Variants in HCN1 observed in about 807,000 individuals in gnomAD.
The protein encoded by HCN1 is hyperpolarization activated cyclic nucleotide gated potassium channel 1.
Under a neutral mutation model 78.9 loss-of-function variants are expected in HCN1, and 13 were observed. The observed-to-expected ratio is 0.16, with a 90% CI of 0.11 to 0.26. HCN1 has a LOEUF of 0.26. HCN1 is among the 10% of genes least tolerant of loss of function. The pLI is 1.00. For synonymous variants in HCN1, 552 were observed against 455.5 expected, an observed-to-expected ratio of 1.21 and a Z score of -2.70; for missense variants, 810 against 1,154.3, an observed-to-expected ratio of 0.70 and a Z score of 4.32.
intron 2 of HCN1, among the ~76,000 whole-genome samples, chr5:45,482,049 AT>A (rs1283313717): frequency 6.6e-6 from 1 of 152,190 alleles, no homozygotes; most frequent in African/African-American, 2.4e-5. Flanking sequence ...GCTTGTTTTC[AT>A]TTTCCTTTCA....
At chr5:45,418,202 G>C (rs1740156673) in intron 3 of HCN1, among the ~76,000 whole-genome samples, 1 of 151,676 alleles carries the variant, frequency 6.6e-6, no homozygotes, top group Non-Finnish European at 1.5e-5. Context: ...TATTTAGAAT[G>C]ATAAAAGAAA....
rs1326096576 is a variant in HCN1, at chr5:45,425,212, A to G, written c.1012-28502T>C. Among the ~76,000 whole-genome samples, 7 of 152,212 alleles carry G rather than the reference A, an allele frequency of 4.6e-5. No homozygotes were observed. The East Asian group carries it at 1.3e-3, about 29-fold the overall frequency. On this transcript the variant is annotated intron_variant, in intron 3 of 7. Transcript: ENST00000303230. ...ACTGCAGTGGTATATGCCCACACTT[A>G]ACAGCTTCTGCCTTCTTACCCTGTG... is the stretch of plus-strand genomic sequence containing the variant.
chr5:45,332,539 A>G (rs1746365830), intron 5 of HCN1, among the ~76,000 whole-genome samples: 1 of 151,174 alleles, frequency 6.6e-6, no homozygotes, highest in African/African-American at 2.4e-5. Context: ...CATGAGTTCA[A>G]TTGTTTTGAT....
intron 2 of HCN1, among the ~76,000 whole-genome samples, chr5:45,583,958 C>T (rs1274187155): frequency 3.3e-5 from 5 of 152,086 alleles, no homozygotes; most frequent in Non-Finnish European, 5.9e-5. Flanking sequence ...ACTATGTGGT[C>T]AATTTTGGAA....
intron 2 of HCN1, among the ~76,000 whole-genome samples, chr5:45,499,960 C>T (rs1742154647): frequency 6.6e-6 from 1 of 152,100 alleles, no homozygotes; most frequent in South Asian, 2.1e-4. Context: ...CACACAAACA[C>T]AGTCTGCATT....
intron 5 of HCN1, among the ~76,000 whole-genome samples, chr5:45,332,353 T>C (rs1746362111): frequency 6.6e-6 from 1 of 151,568 alleles, no homozygotes; most frequent in Admixed American, 6.6e-5. Context: ...TATACTCTTT[T>C]AGTTATTTTT....
chr5:45,297,423 C>G (rs1028839095), intron 6 of HCN1, among the ~76,000 whole-genome samples: 2 of 152,076 alleles, frequency 1.3e-5, no homozygotes, highest in African/African-American at 4.8e-5. Context: ...ATTTTGGGGC[C>G]AGTTTATGGC....
intron 4 of HCN1, among the ~76,000 whole-genome samples, chr5:45,358,035 C>T (rs1747036667): frequency 3.9e-5 from 6 of 152,036 alleles, no homozygotes; most frequent in Admixed American, 3.9e-4. Context: ...GTGGAAGCAG[C>T]CTGAGGCCCT....
chr5:45,671,951 G>A (rs973733282), intron 1 of HCN1, among the ~76,000 whole-genome samples: 29 of 151,414 alleles, frequency 1.9e-4, no homozygotes, highest in African/African-American at 5.1e-4. Flanking sequence ...AGATATTTAC[G>A]CCAAGAAAAG....
At position 45,447,881 on chromosome 5, in the gene HCN1, G is replaced by GAT. The variant is rs144291227; in HGVS notation, c.1011+13963_1011+13964dup. Among the ~76,000 whole-genome samples the GAT allele has an allele frequency of 9.7e-4, 144 of 148,526 alleles. 1 individual carries two copies. The highest frequency in any genetic ancestry group is 7.1e-3 in the Middle Eastern group (2 of 282). ...ATAATATCATATGTATATATTTTAT[G>GAT]ATATATATATATATATGAGACAGAG... is the stretch of plus-strand genomic sequence containing the variant. On this transcript the variant is annotated intron_variant, in intron 3 of 7. Coordinates refer to ENST00000303230, the MANE Select transcript of HCN1 (RefSeq NM_021072.4).
intron 1 of HCN1, among the ~76,000 whole-genome samples, chr5:45,652,900 AT>A (rs1400473984): frequency 6.6e-6 from 1 of 151,720 alleles, no homozygotes; most frequent in Non-Finnish European, 1.5e-5. Flanking sequence ...TCAGCTTTTC[AT>A]TTTGTTCCAT....
At chr5:45,497,346 T>C (rs1333327732) in intron 2 of HCN1, among the ~76,000 whole-genome samples, 1 of 152,216 alleles carries the variant, frequency 6.6e-6, no homozygotes, top group Non-Finnish European at 1.5e-5. Context: ...TAAGATTCTT[T>C]GCAGGTCACT....
rs369186983 is a variant in HCN1, at chr5:45,694,719, A to C, written c.425+950T>G. 1.9e-4 allele frequency among the ~76,000 whole-genome samples: 29 copies of C among 152,352 alleles called. No homozygotes were observed. The East Asian group carries it at 3.7e-3, about 19-fold the overall frequency. ...TGTTCAGGAGCTAAGATAATCGTGC[A>C]CACGCTAATAAGAGGATCTACTACA... On this transcript the variant is annotated intron_variant, in intron 1 of 7. Transcript: ENST00000303230.
At chr5:45,535,363 C>T (rs962444080) in intron 2 of HCN1, among the ~76,000 whole-genome samples, 4 of 152,060 alleles carry the variant, frequency 2.6e-5, no homozygotes, top group African/African-American at 9.7e-5. Context: ...TTTGGGAGGC[C>T]AAGGTGGGCG....
At chr5:45,312,573 C>T (rs567899709) in intron 5 of HCN1, among the ~76,000 whole-genome samples, 3 of 152,200 alleles carry the variant, frequency 2.0e-5, no homozygotes, top group African/African-American at 2.4e-5. Context: ...CGAGGCATAG[C>T]CTCACCCGGC....
At chr5:45,597,726 G>A (rs1414545489) in intron 2 of HCN1, among the ~76,000 whole-genome samples, 1 of 152,136 alleles carries the variant, frequency 6.6e-6, no homozygotes, top group Non-Finnish European at 1.5e-5. Flanking sequence ...CGAAGTCTCA[G>A]GACACAAAAT....
chr5:45,373,882 G>T (rs1431200314), intron 4 of HCN1, among the ~76,000 whole-genome samples: 2 of 127,604 alleles, frequency 1.6e-5, no homozygotes, highest in South Asian at 2.4e-4. Context: ...TATTACATAC[G>T]GTATATATGT....
At chr5:45,429,509 C>T (rs1014091311) in intron 3 of HCN1, among the ~76,000 whole-genome samples, 2 of 151,492 alleles carry the variant, frequency 1.3e-5, no homozygotes, top group African/African-American at 4.9e-5. Flanking sequence ...AATGTGAGGA[C>T]ACGAGTTGCA....
chr5:45,498,547 G>A lies in HCN1; in HGVS notation c.850-36540C>T, dbSNP rs374851369. 4.1e-4 allele frequency among the ~76,000 whole-genome samples: 62 copies of A among 152,132 alleles called. No homozygotes were observed. The East Asian group carries it at 6.6e-3, about 16-fold the overall frequency. On this transcript the variant is annotated intron_variant, in intron 2 of 7. Coordinates refer to ENST00000303230, the MANE Select transcript of HCN1 (RefSeq NM_021072.4). Reference sequence around the variant, plus strand: ...TGGTTTGAATCTCCTCCCATTGCTCGGAGTAATTTGATCGTCTGAAGCCTT... The same window carrying A: ...TGGTTTGAATCTCCTCCCATTGCTCAGAGTAATTTGATCGTCTGAAGCCTT...
Sources: gnomAD v4.1 joint callset for allele counts (sites outside exome capture counted in the v4.1 genomes callset) on GRCh38, gnomAD v4.1.1 for gene constraint, MANE v1.5 for transcripts, NCBI Gene and HGNC (gene_info 2026-07-23, HGNC 2026-07-21) for gene names.